The following PDE4D variants were observed in gnomAD, a reference collection of about 807,000 sequenced individuals.
The protein encoded by PDE4D is 3',5'-cyclic-AMP phosphodiesterase 4D.
A neutral mutation model predicts 87.4 loss-of-function variants in PDE4D; 24 were observed. That is an observed-to-expected ratio of 0.27 (90% CI 0.20 to 0.39). The LOEUF (loss-of-function observed/expected upper bound fraction) is 0.39. Among genes scored for constraint, PDE4D ranks in the 10% least tolerant of loss-of-function variants. PDE4D has a pLI of 1.00. For missense variants in PDE4D, 714 were observed against 1,041.0 expected (o/e 0.69, Z 4.32); for synonymous variants, 384 against 383.2 (o/e 1.00, Z -0.02).
intron 1 of PDE4D, among the ~76,000 whole-genome samples, chr5:60,375,678 C>G (rs1208816611): frequency 6.6e-6 from 1 of 152,172 alleles, no homozygotes; most frequent in Non-Finnish European, 1.5e-5. Flanking sequence ...GTACTGGCCC[C>G]TCAACCATGA....
rs199501666 is a variant in PDE4D, at chr5:60,002,272, T to TA, written c.43-13556dup. 3.0e-3 allele frequency among the ~76,000 whole-genome samples: 430 copies of TA among 144,962 alleles called. 9 individuals carry two copies. The East Asian group carries it at 0.046, about 15-fold the overall frequency. ...CAAGTAAGAAGATTGAATCCATAAT[T>TA]AAAAAAAAAAACTCCTAACAAAGAA... is the stretch of plus-strand genomic sequence containing the variant. On this transcript the variant is annotated intron_variant, in intron 2 of 16. Transcript: ENST00000502484.
chr5:59,937,761 A>G (rs1756761077), intron 3 of PDE4D, among the ~76,000 whole-genome samples: 1 of 152,248 alleles, frequency 6.6e-6, no homozygotes. Flanking sequence ...TGTCCATAGC[A>G]GTAAGAATCA....
intron 1 of PDE4D, among the ~76,000 whole-genome samples, chr5:60,225,353 T>A (rs573056509): frequency 6.6e-6 from 1 of 152,018 alleles, no homozygotes; most frequent in African/African-American, 2.4e-5. Context: ...GTTTTTTTCC[T>A]CCATTAGATT....
chr5:59,758,940 T>G (rs1270136898), intron 1 of PDE4D, among the ~76,000 whole-genome samples: 2 of 151,998 alleles, frequency 1.3e-5, no homozygotes, highest in Non-Finnish European at 2.9e-5. Flanking sequence ...AGTCTCCAAG[T>G]CAAAAAGGTT....
At chr5:59,712,196 T>G (rs2150512339) in intron 1 of PDE4D, among the ~76,000 whole-genome samples, 1 of 151,796 alleles carries the variant, frequency 6.6e-6, no homozygotes, top group East Asian at 1.9e-4. Flanking sequence ...GAGCAGTCCA[T>G]AAGTAAAGAA....
At chr5:59,799,506 T>C (rs918448968) in intron 1 of PDE4D, among the ~76,000 whole-genome samples, 1 of 152,150 alleles carries the variant, frequency 6.6e-6, no homozygotes, top group Non-Finnish European at 1.5e-5. Flanking sequence ...TCAAGTGAAT[T>C]AGTAAAGGAG....
chr5:60,210,723 T>C (rs1326141779), intron 1 of PDE4D, among the ~76,000 whole-genome samples: 1 of 151,668 alleles, frequency 6.6e-6, no homozygotes, highest in Non-Finnish European at 1.5e-5. Flanking sequence ...TAAATACTCA[T>C]GGCACGGTAT....
At chr5:59,260,136 T>C (rs1348390028) in intron 1 of PDE4D, among the ~76,000 whole-genome samples, 3 of 151,816 alleles carry the variant, frequency 2.0e-5, no homozygotes, top group Non-Finnish European at 4.4e-5. Flanking sequence ...TCTTTTTTTC[T>C]TTTTCTCCCC....
At chr5:59,369,227 G>A (rs993437582) in intron 1 of PDE4D, among the ~76,000 whole-genome samples, 3 of 152,118 alleles carry the variant, frequency 2.0e-5, no homozygotes, top group African/African-American at 7.2e-5. Flanking sequence ...ACGGTAACAA[G>A]TCTGTGTAGG....
rs75261180 is a variant in PDE4D at position 60,140,719 on chromosome 5, C to T, written c.42+44838G>A. 1.7e-3 allele frequency among the ~76,000 whole-genome samples: 264 copies of T among 152,150 alleles called. 12 individuals carry two copies. The East Asian group carries it at 0.046, about 27-fold the overall frequency. ...AGTTATACAGAAGAGACATTAAGGACTATGAAATGTACCCTAGAGGTAAAC... is the reference window on the plus strand; with the variant it reads ...AGTTATACAGAAGAGACATTAAGGATTATGAAATGTACCCTAGAGGTAAAC... On this transcript the variant is annotated intron_variant, in intron 2 of 16. Coordinates refer to the PDE4D transcript ENST00000502484.
intron 1 of PDE4D, among the ~76,000 whole-genome samples, chr5:59,792,513 AATG>A (rs2152649585): frequency 6.6e-6 from 1 of 152,030 alleles, no homozygotes; most frequent in African/African-American, 2.4e-5. Context: ...AAGGGTGGCC[AATG>A]CAACAATGCA....
chr5:59,138,281 T>C (rs1777413635), intron 5 of PDE4D, among the ~76,000 whole-genome samples: 1 of 152,132 alleles, frequency 6.6e-6, no homozygotes, highest in Non-Finnish European at 1.5e-5. Context: ...CTTGATTACA[T>C]TTTCTTTTTT....
chr5:59,629,180 G>A (rs931730050), intron 1 of PDE4D, among the ~76,000 whole-genome samples: 7 of 152,140 alleles, frequency 4.6e-5, no homozygotes, highest in African/African-American at 1.7e-4. Flanking sequence ...CAGTGGTCAA[G>A]CATGGTCTGT....
At chr5:59,428,422 C>T (rs1382439172) in intron 1 of PDE4D, among the ~76,000 whole-genome samples, 1 of 151,916 alleles carries the variant, frequency 6.6e-6, no homozygotes, top group Non-Finnish European at 1.5e-5. Context: ...CCCTTCCATC[C>T]TTCCTTCCTC....
At chr5:59,585,954 A>C (rs1434156508) in intron 1 of PDE4D, among the ~76,000 whole-genome samples, 1 of 152,208 alleles carries the variant, frequency 6.6e-6, no homozygotes, top group Admixed American at 6.5e-5. Flanking sequence ...ATATATCAGA[A>C]ATTCATGTGT....
intron 1 of PDE4D, among the ~76,000 whole-genome samples, chr5:59,631,631 G>A (rs1831572878): frequency 1.3e-5 from 2 of 152,088 alleles, no homozygotes; most frequent in South Asian, 4.2e-4. Flanking sequence ...TCCCCACCTG[G>A]GAAGCACAAG....
chr5:59,054,806 A>C (rs2153407027), intron 5 of PDE4D, among the ~76,000 whole-genome samples: 1 of 152,252 alleles, frequency 6.6e-6, no homozygotes, highest in South Asian at 2.1e-4. Context: ...ATTGATTTTG[A>C]AATCTACCAA....
intron 1 of PDE4D, among the ~76,000 whole-genome samples, chr5:59,837,101 C>T (rs1300129319): frequency 6.6e-6 from 1 of 152,016 alleles, no homozygotes; most frequent in Non-Finnish European, 1.5e-5. Context: ...ATCTCTCATT[C>T]AAGGCTTCCT....
chr5:59,021,934 T>C lies in PDE4D; in HGVS notation c.921+16925A>G, dbSNP rs373108746. Among the ~76,000 whole-genome samples the C allele has an allele frequency of 1.2e-4, 19 of 152,236 alleles. No individual in the cohort carries two copies. The East Asian group carries it at 3.3e-3, about 26-fold the overall frequency. On this transcript the variant is annotated intron_variant, in intron 6 of 14. Coordinates refer to ENST00000340635, the MANE Select transcript of PDE4D (RefSeq NM_001104631.2). Reference sequence around the variant, plus strand: ...GCTGTCTCAGAGCCCATCAACCACCTTTCCTCACTCCCAGGCAGCCGGTCC... The same window carrying C: ...GCTGTCTCAGAGCCCATCAACCACCCTTCCTCACTCCCAGGCAGCCGGTCC...
Sources: gnomAD v4.1 joint callset for allele counts (sites outside exome capture counted in the v4.1 genomes callset) on GRCh38, gnomAD v4.1.1 for gene constraint, MANE v1.5 for transcripts, NCBI Gene and HGNC (gene_info 2026-07-23, HGNC 2026-07-21) for gene names.